PLCB1: variants seen among roughly 807,000 people sequenced by gnomAD.
PLCB1 encodes the protein phospholipase C beta 1.
In PLCB1, 46 loss-of-function variants were observed where a neutral mutation model predicts 161.8. That is an observed-to-expected ratio of 0.28 (90% CI 0.22 to 0.36). The LOEUF is 0.36. PLCB1 is among the 10% of genes least tolerant of loss of function. The probability of loss-of-function intolerance (pLI) is 1.00; values close to 1 mark genes in which losing one functional copy is unlikely to be tolerated. For synonymous variants in PLCB1, 517 were observed against 503.7 expected (o/e 1.03, Z -0.35); for missense variants, 1,016 against 1,472.5 (o/e 0.69, Z 5.07).
chr20:8,197,351 A>G (rs1223875370), intron 2 of PLCB1, among the ~76,000 whole-genome samples: 2 of 152,104 alleles, frequency 1.3e-5, no homozygotes, highest in Non-Finnish European at 2.9e-5. Flanking sequence ...AATGATTGCC[A>G]TTCTAACTGG....
intron 31 of PLCB1, among the ~76,000 whole-genome samples, chr20:8,810,456 C>T (rs1226381299): frequency 6.6e-6 from 1 of 151,982 alleles, no homozygotes; most frequent in African/African-American, 2.4e-5. Flanking sequence ...GGAATTCAAG[C>T]AGAAAAGGTT....
At chr20:8,774,047 C>T (rs1982822586) in intron 26 of PLCB1, among the ~76,000 whole-genome samples, 1 of 149,480 alleles carries the variant, frequency 6.7e-6, no homozygotes, top group Admixed American at 6.6e-5. Flanking sequence ...ACGGCATCTA[C>T]ACGTGCTCTC....
chr20:8,788,293 T>C, intron 27 of PLCB1, among the ~76,000 whole-genome samples, 156 bp from the exon 28 acceptor site: 1 of 152,242 alleles, frequency 6.6e-6, no homozygotes, highest in East Asian at 1.9e-4. Flanking sequence ...GGTTCTAAAT[T>C]GTCCTCATTG....
chr20:8,218,241 G>A (rs1037952287), intron 2 of PLCB1, among the ~76,000 whole-genome samples: 2 of 152,084 alleles, frequency 1.3e-5, no homozygotes, highest in African/African-American at 4.8e-5. Context: ...AAAGGGCAGT[G>A]TTTTATCCCC....
At chr20:8,750,027 A>G (rs954385171) in intron 23 of PLCB1, among the ~76,000 whole-genome samples, 2 of 152,166 alleles carry the variant, frequency 1.3e-5, no homozygotes, top group African/African-American at 2.4e-5. Context: ...GCTGAGGAAA[A>G]TCAGATGCTC....
intron 2 of PLCB1, among the ~76,000 whole-genome samples, chr20:8,220,878 C>T (rs1171098167): frequency 6.6e-6 from 1 of 152,128 alleles, no homozygotes. Flanking sequence ...TGGAAATTTG[C>T]CTCGTGTCCT....
chr20:8,795,890 A>AAGAAAAG (rs75896529), intron 31 of PLCB1, among the ~76,000 whole-genome samples: 6 of 139,798 alleles, frequency 4.3e-5, no homozygotes, highest in African/African-American at 1.1e-4. Context: ...AAAAAAAAAA[A>AAGAAAAG]AAAAGAAAAG....
chr20:8,560,552 G>T (rs1195397769), intron 3 of PLCB1, among the ~76,000 whole-genome samples: 2 of 152,022 alleles, frequency 1.3e-5, no homozygotes, highest in South Asian at 4.1e-4. Flanking sequence ...GTTGAAAAAC[G>T]TCTAGTGTTG....
intron 2 of PLCB1, among the ~76,000 whole-genome samples, chr20:8,160,308 C>T (rs2051609400): frequency 6.6e-6 from 1 of 152,210 alleles, no homozygotes; most frequent in African/African-American, 2.4e-5. Flanking sequence ...GTTCTAACCT[C>T]TGCTTTTTAC....
intron 6 of PLCB1, among the ~76,000 whole-genome samples, chr20:8,648,227 G>A (rs1366967836): frequency 2.0e-5 from 3 of 152,194 alleles, no homozygotes; most frequent in Admixed American, 6.5e-5. Flanking sequence ...AAGGCCGAAA[G>A]GCCATCTGAG....
intron 31 of PLCB1, among the ~76,000 whole-genome samples, chr20:8,822,561 G>T (rs1044809593): frequency 1.3e-5 from 2 of 152,176 alleles, no homozygotes; most frequent in African/African-American, 4.8e-5. Flanking sequence ...TAAAGGATGA[G>T]ACTATCAGAG....
intron 2 of PLCB1, among the ~76,000 whole-genome samples, chr20:8,235,880 A>G (rs1980292810): frequency 6.6e-6 from 1 of 152,106 alleles, no homozygotes; most frequent in Admixed American, 6.5e-5. Context: ...CTATATTTAA[A>G]AAAAATCTTA....
intron 3 of PLCB1, among the ~76,000 whole-genome samples, chr20:8,450,257 T>A (rs1981011837): frequency 6.6e-6 from 1 of 152,190 alleles, no homozygotes; most frequent in Admixed American, 6.5e-5. Context: ...CTTGAAAAAT[T>A]TCACACGAAG....
At chr20:8,876,035 A>G (rs926649008) in intron 31 of PLCB1, among the ~76,000 whole-genome samples, 6 of 152,170 alleles carry the variant, frequency 3.9e-5, no homozygotes, top group African/African-American at 1.4e-4. Flanking sequence ...GGAAGAATTG[A>G]ATACATTTGA....
chr20:8,370,266 C>A (rs2122338763), intron 2 of PLCB1, among the ~76,000 whole-genome samples: 1 of 152,266 alleles, frequency 6.6e-6, no homozygotes, highest in African/African-American at 2.4e-5. Context: ...CCTCATGGCT[C>A]AGTCTCCTTA....
intron 23 of PLCB1, among the ~76,000 whole-genome samples, chr20:8,756,796 G>A (rs964838172): frequency 6.6e-6 from 1 of 152,222 alleles, no homozygotes; most frequent in African/African-American, 2.4e-5. Context: ...CAGAGTCAGT[G>A]TGGAAGGGCA....
At chr20:8,707,097 A>C (rs1978726515) in intron 11 of PLCB1, among the ~76,000 whole-genome samples, 1 of 152,172 alleles carries the variant, frequency 6.6e-6, no homozygotes, top group Non-Finnish European at 1.5e-5. Context: ...ACTATCGTAA[A>C]AGTTAAACTG....
chr20:8,850,928 T>C (rs1456569611), intron 31 of PLCB1, among the ~76,000 whole-genome samples: 1 of 152,354 alleles, frequency 6.6e-6, no homozygotes, highest in African/African-American at 2.4e-5. Context: ...CCAAAATCTT[T>C]AAGCCAGAGA....
intron 3 of PLCB1, among the ~76,000 whole-genome samples, chr20:8,424,416 T>C (rs1979662777): frequency 6.6e-6 from 1 of 152,222 alleles, no homozygotes; most frequent in Non-Finnish European, 1.5e-5. Context: ...ATTACTTTTT[T>C]TTATTTCTAT....
Sources: allele counts gnomAD v4.1 joint callset (sites outside exome capture counted in the v4.1 genomes callset), GRCh38; gene constraint gnomAD v4.1.1; transcripts MANE v1.5; gene names NCBI Gene and HGNC (gene_info 2026-07-23, HGNC 2026-07-21).